ZNF385D: variants seen among roughly 807,000 people sequenced by gnomAD.
ZNF385D encodes zinc finger protein 659.
In ZNF385D, 15 loss-of-function variants were observed where a neutral mutation model predicts 35.8. The ratio of observed to expected loss-of-function variants is 0.42; its 90% confidence interval spans 0.28 to 0.64. The LOEUF (loss-of-function observed/expected upper bound fraction) is 0.64, where lower values mean the gene tolerates loss of function less well. Ranked by LOEUF, ZNF385D falls within the 30% of genes least tolerant of loss-of-function variation. The probability of loss-of-function intolerance (pLI) is 0.23; values close to 1 mark genes in which losing one functional copy is unlikely to be tolerated. For missense variants in ZNF385D, 474 were observed against 494.6 expected, an observed-to-expected ratio of 0.96 and a Z score of 0.39; for synonymous variants, 212 against 186.8, an observed-to-expected ratio of 1.13 and a Z score of -1.10.
chr3:22,043,056 G>A (rs1395984317), intron 3 of ZNF385D, among the ~76,000 whole-genome samples: 1 of 152,012 alleles, frequency 6.6e-6, no homozygotes, highest in East Asian at 1.9e-4. Context: ...CATTGTGGCT[G>A]ACTGTGCCAC....
At chr3:21,882,113 T>C (rs1306353249) in intron 3 of ZNF385D, among the ~76,000 whole-genome samples, 1 of 152,076 alleles carries the variant, frequency 6.6e-6, no homozygotes. Flanking sequence ...ACTTAGTTAA[T>C]AAATCAGTGG....
chr3:21,675,921 G>A (rs575726674), intron 1 of ZNF385D, among the ~76,000 whole-genome samples: 62 of 152,122 alleles, frequency 4.1e-4, no homozygotes, highest in African/African-American at 1.4e-3. Flanking sequence ...TGCATTCAAC[G>A]TAACTAATTC....
At chr3:22,038,369 G>A (rs928281680) in intron 3 of ZNF385D, among the ~76,000 whole-genome samples, 4 of 152,134 alleles carry the variant, frequency 2.6e-5, no homozygotes, top group African/African-American at 9.7e-5. Flanking sequence ...CTTATTATCA[G>A]CATGTCCTTG....
chr3:22,141,553 A>G (rs1289405703), intron 3 of ZNF385D, among the ~76,000 whole-genome samples: 1 of 152,180 alleles, frequency 6.6e-6, no homozygotes, highest in African/African-American at 2.4e-5. Context: ...GGAAAAGACC[A>G]TCATGGACTT....
intron 3 of ZNF385D, among the ~76,000 whole-genome samples, chr3:21,968,777 T>C (rs147127730): frequency 1.3e-5 from 2 of 152,286 alleles, no homozygotes; most frequent in East Asian, 3.9e-4. Context: ...GCTTTAGGTG[T>C]GACCCAGCAC....
chr3:21,974,955 G>A (rs898459808), intron 3 of ZNF385D, among the ~76,000 whole-genome samples: 1 of 152,092 alleles, frequency 6.6e-6, no homozygotes, highest in Non-Finnish European at 1.5e-5. Flanking sequence ...GGGAACCCTC[G>A]AACACTGTTA....
intron 3 of ZNF385D, among the ~76,000 whole-genome samples, chr3:21,843,273 T>G (rs2125791327): frequency 6.6e-6 from 1 of 152,032 alleles, no homozygotes; most frequent in South Asian, 2.1e-4. Context: ...CTCAGGGGAT[T>G]AACCGTAGCT....
At chr3:21,999,770 C>CA (rs577860632) in intron 3 of ZNF385D, among the ~76,000 whole-genome samples, 2,203 of 49,224 alleles carry the variant, frequency 0.045, 27 homozygotes, top group African/African-American at 0.17. Flanking sequence ...CCCAGTCAGG[C>CA]AAAAAAAAAA....
intron 3 of ZNF385D, among the ~76,000 whole-genome samples, chr3:22,011,645 A>C (rs1211038891): frequency 6.6e-6 from 1 of 152,126 alleles, no homozygotes; most frequent in East Asian, 1.9e-4. Context: ...TGTATTAATA[A>C]GTATGGTTAT....
At chr3:22,181,483 T>C (rs1576456779) in intron 2 of ZNF385D, among the ~76,000 whole-genome samples, 1 of 151,684 alleles carries the variant, frequency 6.6e-6, no homozygotes, top group Non-Finnish European at 1.5e-5. Context: ...GATCACGAGG[T>C]CAGGAGATCG....
At position 22,056,274 on chromosome 3, in the gene ZNF385D, TAAAAAAAAAAAAAAAAAAAAAA is replaced by T. The variant is rs1180609438; in HGVS notation, c.325+112521_325+112542del. 7.7e-5 allele frequency among the ~76,000 whole-genome samples: 5 copies of T among 64,802 alleles called. 1 individual carries two copies. The highest frequency in any genetic ancestry group is 3.1e-4 in the African/African-American group (5 of 16,284). The allele number at this position is 64,802 out of a possible 152,430, so 42.5% of individuals were successfully genotyped here. On this transcript the variant is annotated intron_variant, in intron 3 of 5. Coordinates refer to the ZNF385D transcript ENST00000494108. The stretch of plus-strand genomic sequence containing the variant: ...ATGTACCCTAAAACTTAGAGTATAA[TAAAAAAAAAAAAAAAAAAAAAA>T]AAAAAAAAAAAATTCAATGTGATAC...
At chr3:22,233,098 C>T (rs1698989141) in intron 2 of ZNF385D, among the ~76,000 whole-genome samples, 2 of 151,978 alleles carry the variant, frequency 1.3e-5, no homozygotes, top group African/African-American at 2.4e-5. Context: ...TTTTAGTATA[C>T]TCCGTTTCTC....
chr3:21,602,823 G>A (rs947537053), intron 2 of ZNF385D, among the ~76,000 whole-genome samples: 6 of 152,088 alleles, frequency 3.9e-5, no homozygotes, highest in East Asian at 1.9e-4. Flanking sequence ...GTGAGCCACC[G>A]CGCCCGGCCT....
chr3:21,993,131 T>C (rs1695242089), intron 3 of ZNF385D, among the ~76,000 whole-genome samples: 1 of 152,176 alleles, frequency 6.6e-6, no homozygotes, highest in Non-Finnish European at 1.5e-5. Flanking sequence ...ATTTCCACTG[T>C]GGTACTTAGG....
chr3:22,119,859 A>G (rs1702997291), intron 3 of ZNF385D, among the ~76,000 whole-genome samples: 1 of 151,520 alleles, frequency 6.6e-6, no homozygotes, highest in Admixed American at 6.6e-5. Context: ...TAATTTTTTC[A>G]TTTTTTGAGA....
chr3:21,727,173 A>C (rs2068800500), intron 1 of ZNF385D, among the ~76,000 whole-genome samples: 2 of 152,162 alleles, frequency 1.3e-5, no homozygotes, highest in Non-Finnish European at 2.9e-5. Context: ...AAATTAACTC[A>C]AAAATGGACT....
intron 3 of ZNF385D, among the ~76,000 whole-genome samples, chr3:22,066,824 A>C (rs1251721083): frequency 6.6e-6 from 1 of 152,166 alleles, no homozygotes; most frequent in East Asian, 1.9e-4. Flanking sequence ...CCACATGAAA[A>C]AGAAATTGAA....
intron 3 of ZNF385D, among the ~76,000 whole-genome samples, chr3:22,007,870 C>A (rs1480490415): frequency 2.0e-5 from 3 of 151,190 alleles, no homozygotes; most frequent in Non-Finnish European, 3.0e-5. Flanking sequence ...AATACAAAAG[C>A]TTTCTTTTTA....
intron 2 of ZNF385D, among the ~76,000 whole-genome samples, chr3:22,327,583 C>A (rs1694737438): frequency 6.6e-6 from 1 of 152,208 alleles, no homozygotes; most frequent in African/African-American, 2.4e-5. Context: ...TAACACAAAT[C>A]TCCATGTAGG....
Sources: gnomAD v4.1 joint callset for allele counts (sites outside exome capture counted in the v4.1 genomes callset) on GRCh38, gnomAD v4.1.1 for gene constraint, MANE v1.5 for transcripts, NCBI Gene and HGNC (gene_info 2026-07-23, HGNC 2026-07-21) for gene names.